PYDC5: variants seen among roughly 807,000 people sequenced by gnomAD.
PYDC5 encodes the protein pyrin domain containing 5.
At chr1:159,001,248 A>C in the PYDC5 span, among the ~76,000 whole-genome samples, 1 of 152,180 alleles carries the variant, frequency 6.6e-6, no homozygotes, top group African/African-American at 2.4e-5. Context: ...GGTGCTCAAA[A>C]TTACCAGTAT....
At chr1:159,001,423 C>T in the PYDC5 span, among the ~76,000 whole-genome samples, 6 of 152,132 alleles carry the variant, frequency 3.9e-5, no homozygotes, top group African/African-American at 1.2e-4. Context: ...TTAATATGAA[C>T]TTATTATTTT....
At chr1:159,000,854 T>C in the PYDC5 span, among the ~76,000 whole-genome samples, 1 of 152,156 alleles carries the variant, frequency 6.6e-6, no homozygotes, top group Non-Finnish European at 1.5e-5. Context: ...CATCCCCTGG[T>C]TGATGAGTGA....
chr1:159,000,678 C>A, the PYDC5 span, among the ~76,000 whole-genome samples: 1 of 152,158 alleles, frequency 6.6e-6, no homozygotes, highest in Non-Finnish European at 1.5e-5. Flanking sequence ...AGATAAAGCT[C>A]AATTTTTCAA....
At chr1:159,001,908 G>T in the PYDC5 span, among the ~76,000 whole-genome samples, 1,735 of 152,212 alleles carry the variant, frequency 0.011, 31 homozygotes, top group African/African-American at 0.04. Flanking sequence ...ATGTCCCAGG[G>T]GTGTACACAC....
chr1:159,000,656 C>T, the PYDC5 span, among the ~76,000 whole-genome samples: 2 of 152,176 alleles, frequency 1.3e-5, no homozygotes, highest in Non-Finnish European at 2.9e-5. Context: ...AATTTTTTGA[C>T]ATGTATACAG....
chr1:159,000,911 C>T, the PYDC5 span, among the ~76,000 whole-genome samples: 3 of 152,068 alleles, frequency 2.0e-5, no homozygotes, highest in Non-Finnish European at 4.4e-5. Flanking sequence ...GTGTGTAGCA[C>T]ATTGAAGACC....
chr1:159,000,152 C>A, the PYDC5 span: 1 of 185,114 alleles, frequency 5.4e-6, no homozygotes, highest in Admixed American at 5.8e-5. Flanking sequence ...ACCATGCCAG[C>A]GTTTTAAATC....
chr1:159,000,722 T>A, the PYDC5 span, among the ~76,000 whole-genome samples: 1 of 152,194 alleles, frequency 6.6e-6, no homozygotes, highest in Non-Finnish European at 1.5e-5. Flanking sequence ...TTTGGAATCA[T>A]ATGGTTTGGA....
At chr1:159,002,557 C>T in the PYDC5 span, among the ~76,000 whole-genome samples, 1 of 151,490 alleles carries the variant, frequency 6.6e-6, no homozygotes, top group South Asian at 2.1e-4. Flanking sequence ...GTTACTATTA[C>T]CTCATACCAT....
the PYDC5 span, among the ~76,000 whole-genome samples, chr1:159,001,784 T>C: frequency 6.6e-6 from 1 of 152,214 alleles, no homozygotes; most frequent in Non-Finnish European, 1.5e-5. Flanking sequence ...CACATAAATA[T>C]AAAATTTACA....
chr1:159,001,235 A>G, the PYDC5 span, among the ~76,000 whole-genome samples: 1 of 152,222 alleles, frequency 6.6e-6, no homozygotes, highest in African/African-American at 2.4e-5. Context: ...ACACATATGA[A>G]CAGGTGCTCA....
At chr1:159,002,115 C>G in the PYDC5 span, among the ~76,000 whole-genome samples, 2 of 152,238 alleles carry the variant, frequency 1.3e-5, no homozygotes, top group Admixed American at 1.3e-4. Context: ...ATGCCTGATA[C>G]AAAACAGCTG....
the PYDC5 span, chr1:159,000,523 G>A: frequency 6.6e-6 from 1 of 152,378 alleles, no homozygotes; most frequent in African/African-American, 2.4e-5. Flanking sequence ...CATCTTCAGA[G>A]GGTATACAAC....
the PYDC5 span, chr1:159,000,483 A>G: frequency 2.0e-5 from 3 of 153,214 alleles, no homozygotes; most frequent in African/African-American, 7.2e-5. Flanking sequence ...ATAACTTTTT[A>G]AGCAAGATAG....
At chr1:159,001,059 C>A in the PYDC5 span, among the ~76,000 whole-genome samples, 5 of 152,080 alleles carry the variant, frequency 3.3e-5, no homozygotes, top group Non-Finnish European at 7.4e-5. Context: ...CTCTAAATTT[C>A]TTTATAAAAA....
At chr1:159,001,795 T>C in the PYDC5 span, among the ~76,000 whole-genome samples, 1 of 152,222 alleles carries the variant, frequency 6.6e-6, no homozygotes, top group African/African-American at 2.4e-5. Flanking sequence ...AAAATTTACA[T>C]TTTACTCCAT....
the PYDC5 span, among the ~76,000 whole-genome samples, chr1:159,002,554 T>C: frequency 3.1e-4 from 47 of 152,354 alleles, no homozygotes; most frequent in Middle Eastern, 6.8e-3. Context: ...ACCGTTACTA[T>C]TACCTCATAC....
chr1:159,000,812 TG>T, the PYDC5 span, among the ~76,000 whole-genome samples: 5 of 152,124 alleles, frequency 3.3e-5, no homozygotes, highest in Non-Finnish European at 7.4e-5. Context: ...GCTTGGCTCA[TG>T]GGGGTGGATC....
chr1:159,000,867 TCTC>T, the PYDC5 span, among the ~76,000 whole-genome samples: 1 of 152,064 alleles, frequency 6.6e-6, no homozygotes, highest in African/African-American at 2.4e-5. Flanking sequence ...ATGAGTGAGT[TCTC>T]CTCTGAGTCA....
Sources: gnomAD v4.1 joint callset for allele counts (sites outside exome capture counted in the v4.1 genomes callset) on GRCh38, gnomAD v4.1.1 for gene constraint, MANE v1.5 for transcripts, NCBI Gene and HGNC (gene_info 2026-07-23, HGNC 2026-07-21) for gene names.